TRRAP: variants seen among roughly 807,000 people sequenced by gnomAD.
TRRAP encodes transformation/transcription domain-associated protein.
In TRRAP, 41 loss-of-function variants were observed where a neutral mutation model predicts 438.8. The ratio of observed to expected loss-of-function variants is 0.09; its 90% CI spans 0.07 to 0.12. The LOEUF (loss-of-function observed/expected upper bound fraction) is 0.12. Ranked by LOEUF, TRRAP falls within the 10% of genes least tolerant of loss-of-function variation. The pLI, the probability that TRRAP is intolerant of heterozygous loss-of-function variation, is 1.00. For missense variants in TRRAP, 3,122 were observed against 5,055.1 expected (o/e 0.62, Z 11.60); for synonymous variants, 1,994 against 1,962.9 (o/e 1.02, Z -0.42).
Position 98,984,748 on chromosome 7 carries a change from T to G in TRRAP, c.9289-196T>G, listed in dbSNP as rs191715829. ...CCCCTAAGTATTTAGGATTAAATAC[T>G]TAAAGTTAGCTTTAGTAATTCAGTT... On this transcript the variant is annotated intron_variant, in intron 61 of 72. Transcript: ENST00000456197. Among the ~76,000 whole-genome samples the G allele has an allele frequency of 4.4e-3, 674 of 152,348 alleles. 4 individuals carry two copies. The highest frequency in any genetic ancestry group is 7.3e-3 in the Non-Finnish European group (494 of 68,038).
rs146264957 is a variant in TRRAP, at chr7:98,948,369, G to A, written c.4668+29G>A. The A allele has an allele frequency of 2.5e-4, 409 of 1,613,774 alleles. 1 individual carries two copies. In the African/African-American group the frequency reaches 4.5e-3, roughly 18 times the overall value. Reference sequence around the variant, plus strand: ...AGGGCCATACTGAAGGCTGCTTCTCGCTCTGCCACCCTCCGGTGCTTATAG... The same window carrying A: ...AGGGCCATACTGAAGGCTGCTTCTCACTCTGCCACCCTCCGGTGCTTATAG... On this transcript the variant is annotated intron_variant, in intron 34 of 72. Transcript: ENST00000456197. This position sits in a 1 kb window ranked among gnomAD's most constrained non-coding sequence, Gnocchi z 4.9.
intron 2 of TRRAP, chr7:98,881,558 C>T (rs1247221452): frequency 2.2e-5 from 5 of 229,386 alleles, no homozygotes; most frequent in Admixed American, 6.0e-5. Context: ...GGTGACAGAG[C>T]GAGACTCCCT....
chr7:98,967,179 A>G lies in TRRAP; in HGVS notation c.7298+17A>G, dbSNP rs1792194660. On this transcript the variant is annotated intron_variant, in intron 50 of 72. Coordinates refer to ENST00000456197, the MANE Select transcript of TRRAP (RefSeq NM_001375524.1). ...TGTCTACAGGTAATTACAGCAATTA[A>G]TCAAGTACTACATATATTGGTCCTT... The G allele has an allele frequency of 5.0e-6, 8 of 1,611,622 alleles. No homozygotes were observed. Among genetic ancestry groups the G allele is most frequent in the Non-Finnish European group, 6.8e-6 (8 of 1,178,904 alleles).
At chr7:98,923,199 AT>A (rs1789878385) in intron 21 of TRRAP, among the ~76,000 whole-genome samples, 1 of 152,170 alleles carries the variant, frequency 6.6e-6, no homozygotes, top group Middle Eastern at 3.2e-3. Flanking sequence ...TGCGTATTTT[AT>A]TTGACTCTGT....
chr7:98,971,211 T>A (rs952453972), intron 52 of TRRAP, among the ~76,000 whole-genome samples: 10 of 152,274 alleles, frequency 6.6e-5, no homozygotes, highest in African/African-American at 2.4e-4. Context: ...TTTGGTCTTT[T>A]CTTTCTGTAA....
intron 62 of TRRAP, among the ~76,000 whole-genome samples, chr7:98,986,627 A>G (rs758917834): frequency 6.6e-6 from 1 of 152,184 alleles, no homozygotes; most frequent in Non-Finnish European, 1.5e-5. Context: ...ATGATTTCCA[A>G]GTATTTTGTC....
rs782244208 is a variant in TRRAP at position 98,910,324 on chromosome 7, C to T, written c.1619C>T (p.Thr540Ile). The T allele has an allele frequency of 2.6e-5, 42 of 1,610,174 alleles. No homozygotes were observed. Among genetic ancestry groups the T allele is most frequent in the Non-Finnish European group, 3.4e-5 (40 of 1,179,908 alleles). Residue 540 changes from threonine (T) to isoleucine (I), a missense_variant, in exon 15 of 73, where the codon ACA becomes ATA. By Grantham distance (89) the Thr-to-Ile change is moderately conservative. Transcript: ENST00000456197. ...QGEKDKEDKQ[T>I]FQVTDCRSLV... is the part of the protein sequence containing the mutation. ...GAAAAGGACAAGGAAGACAAGCAGA[C>T]ATTCCAAGTCACAGACTGTCGAAGT... is the stretch of plus-strand genomic sequence containing the variant.
chr7:98,900,825 C>G, intron 11 of TRRAP, 105 bp downstream of exon 11: 1 of 851,170 alleles, frequency 1.2e-6, no homozygotes, highest in East Asian at 2.6e-5. Flanking sequence ...TATTGGTAAT[C>G]ATTACTAACA....
intron 43 of TRRAP, 90 bp from the exon 44 acceptor site, chr7:98,957,891 C>T (rs1185964507): frequency 1.1e-5 from 12 of 1,080,490 alleles, no homozygotes; most frequent in East Asian, 1.0e-4. Context: ...CGGGAGGTAC[C>T]GCATACCCAT....
Position 98,930,020 on chromosome 7 carries a change from C to T in TRRAP, c.3207C>T (p.Gly1069=), listed in dbSNP as rs782623370. 2 of 1,614,190 alleles carry T rather than the reference C, an allele frequency of 1.2e-6. No homozygotes were observed. The highest frequency in any genetic ancestry group is 2.2e-5 in the South Asian group (2 of 91,086). The change falls in exon 24 of 73, where the codon GGC becomes GGT. Residue 1069 remains glycine (G), a synonymous_variant. Coordinates refer to ENST00000456197, the MANE Select transcript of TRRAP (RefSeq NM_001375524.1). ...GPFLLPCYQV[G]SQPSTAMFHS... ...TCTTGCTGCCTTGCTACCAGGTGGG[C>T]AGCCAGCCCAGCACAGCCATGTTTC...
intron 62 of TRRAP, among the ~76,000 whole-genome samples, 196 bp from the exon 63 acceptor site, chr7:98,988,569 A>G (rs1323104847): frequency 6.6e-6 from 1 of 152,188 alleles, no homozygotes; most frequent in Non-Finnish European, 1.5e-5. Context: ...CAATCCACAG[A>G]GACAGAAGGC....
chr7:98,987,041 T>C (rs111944334), intron 62 of TRRAP, among the ~76,000 whole-genome samples: 1 of 152,042 alleles, frequency 6.6e-6, no homozygotes, highest in Non-Finnish European at 1.5e-5. Flanking sequence ...TCCTAGCACT[T>C]TGGGAGGCTG....
chr7:98,895,820 G>A lies in TRRAP; in HGVS notation c.507G>A (p.Val169=). The change falls in exon 7 of 73, where the codon GTG becomes GTA. Residue 169 remains valine, a splice_region_variant and synonymous_variant. Coordinates refer to ENST00000456197, the MANE Select transcript of TRRAP (RefSeq NM_001375524.1). ...TTTACAAGGAGCTTCCAAAAGTAGT[G>A]GTATGTTTTTACTTTGGTTTTAATT... The part of the protein sequence containing the change: ...KQIYKELPKV[V]NRYFENPQVI... 1 of 1,599,748 alleles carries A rather than the reference G, an allele frequency of 6.3e-7. No individual in the cohort carries two copies. The highest frequency in any genetic ancestry group is 8.5e-7 in the Non-Finnish European group (1 of 1,173,424).
chr7:98,880,026 A>T (rs897802347), intron 1 of TRRAP, among the ~76,000 whole-genome samples: 6 of 152,184 alleles, frequency 3.9e-5, no homozygotes, highest in Non-Finnish European at 7.3e-5. Context: ...ATAGAAACCA[A>T]GTCTCCATCT....
intron 16 of TRRAP, 78 bp downstream of exon 16, chr7:98,910,685 C>A: frequency 8.0e-7 from 1 of 1,242,840 alleles, no homozygotes; most frequent in Non-Finnish European, 1.1e-6. Context: ...GGTGGGGTGG[C>A]AGTGAGAGCT....
chr7:99,004,067 T>C, intron 67 of TRRAP, 123 bp from the exon 68 acceptor site: 1 of 1,000,414 alleles, frequency 1.0e-6, no homozygotes, highest in East Asian at 2.5e-5. Context: ...GAGTGAAACT[T>C]CATCTCAAAA....
intron 62 of TRRAP, 149 bp from the exon 63 acceptor site, chr7:98,988,616 T>G (rs1584396766): frequency 1.2e-6 from 1 of 855,128 alleles, no homozygotes. Context: ...GTGGGAGGGG[T>G]TCAGAGCGAC....
chr7:99,000,971 A>G (rs550490409), intron 67 of TRRAP, among the ~76,000 whole-genome samples: 16 of 152,204 alleles, frequency 1.1e-4, no homozygotes, highest in African/African-American at 3.6e-4. Flanking sequence ...TTCTTTCTTC[A>G]CTGATGGGTT....
Position 98,976,749 on chromosome 7 carries a change from G to T in TRRAP, c.8226G>T (p.Glu2742Asp), listed in dbSNP as rs753374270. 1.2e-6 allele frequency: 2 copies of T among 1,613,556 alleles called. No individual in the cohort carries two copies. Among genetic ancestry groups the T allele is most frequent in the Non-Finnish European group, 1.7e-6 (2 of 1,179,818 alleles). ...AAACAACGGAGTTTTATGAGCAGGA[G>T]AGCATCACCCCGCCGCAGCAGGTGA... ...PKQTTEFYEQ[E>D]SITPPQQEIL... Residue 2742 changes from glutamate (E) to aspartate (D), a missense_variant, in exon 55 of 73, where the codon GAG becomes GAT. Physicochemically the swap from Glu to Asp is conservative, Grantham distance 45 (BLOSUM62 2). Coordinates refer to ENST00000456197, the MANE Select transcript of TRRAP (RefSeq NM_001375524.1). The surrounding 1 kb of genome is among the most constrained non-coding windows in gnomAD (Gnocchi z 4.6).
Sources: gnomAD v4.1 joint callset for allele counts (sites outside exome capture counted in the v4.1 genomes callset) on GRCh38, gnomAD v4.1.1 for gene constraint, Gnocchi (gnomAD v3.1) non-coding constraint, MANE v1.5 for transcripts, NCBI Gene and HGNC (gene_info 2026-07-23, HGNC 2026-07-21) for gene names.